The following WWOX variants were observed in gnomAD, a reference collection of about 807,000 sequenced individuals.
WWOX encodes WW domain-containing oxidoreductase.
A neutral mutation model predicts 46.2 loss-of-function variants in WWOX; 69 were observed. The ratio of observed to expected loss-of-function variants is 1.49; its 90% CI spans 1.23 to 1.82. The LOEUF is 1.82. Ranked by LOEUF, WWOX falls within the 40% of genes most tolerant of loss-of-function variation. WWOX has a pLI of 0.00. For synonymous variants in WWOX, 359 were observed against 202.6 expected (o/e 1.77, Z -6.56); for missense variants, 919 against 542.6 (o/e 1.69, Z -6.89).
chr16:78,458,196 T>C (rs961818643), intron 8 of WWOX, among the ~76,000 whole-genome samples: 2 of 152,046 alleles, frequency 1.3e-5, no homozygotes, highest in African/African-American at 4.8e-5. Context: ...CTACATACTG[T>C]TTTATTATAT....
chr16:78,465,084 G>T (rs951647676), intron 8 of WWOX, among the ~76,000 whole-genome samples: 21 of 152,136 alleles, frequency 1.4e-4, no homozygotes, highest in African/African-American at 5.1e-4. Context: ...TCACTATCAA[G>T]GGAACAGCAC....
chr16:78,527,563 G>C (rs955427894), intron 8 of WWOX, among the ~76,000 whole-genome samples: 3 of 152,036 alleles, frequency 2.0e-5, no homozygotes, highest in Non-Finnish European at 4.4e-5. Flanking sequence ...CAAAGTGCTG[G>C]GATTACAGGC....
chr16:79,052,741 G>A (rs1037768824), intron 8 of WWOX, among the ~76,000 whole-genome samples: 16 of 152,204 alleles, frequency 1.1e-4, no homozygotes, highest in Admixed American at 2.0e-4. Context: ...AACTGCTGGC[G>A]AGTGTACCCT....
At chr16:79,025,202 T>C (rs1415049514) in intron 8 of WWOX, among the ~76,000 whole-genome samples, 1 of 152,162 alleles carries the variant, frequency 6.6e-6, no homozygotes, top group African/African-American at 2.4e-5. Context: ...AAAGACAATG[T>C]CACTGAGGCT....
intron 6 of WWOX, among the ~76,000 whole-genome samples, chr16:78,407,142 G>T (rs2082567840): frequency 6.6e-6 from 1 of 152,074 alleles, no homozygotes; most frequent in African/African-American, 2.4e-5. Context: ...TTTAAGCAGG[G>T]GTCAAACTTA....
At chr16:78,865,988 A>C (rs115822259) in intron 8 of WWOX, among the ~76,000 whole-genome samples, 4,776 of 152,340 alleles carry the variant, frequency 0.031, 92 homozygotes, top group Middle Eastern at 0.068. Flanking sequence ...AGGTGATCAC[A>C]TACTACGCAG....
intron 8 of WWOX, among the ~76,000 whole-genome samples, chr16:79,020,755 C>T (rs2151384984): frequency 6.6e-6 from 1 of 152,282 alleles, no homozygotes; most frequent in African/African-American, 2.4e-5. Context: ...AACACGCATG[C>T]AGCTTCCCAC....
chr16:79,087,007 G>T (rs1048749673), intron 8 of WWOX, among the ~76,000 whole-genome samples: 2 of 152,220 alleles, frequency 1.3e-5, no homozygotes, highest in African/African-American at 4.8e-5. Context: ...GGCAGCCTAG[G>T]GAATGGAGAT....
At chr16:78,542,892 C>G (rs1377996377) in intron 8 of WWOX, among the ~76,000 whole-genome samples, 2 of 152,176 alleles carry the variant, frequency 1.3e-5, no homozygotes, top group African/African-American at 4.8e-5. Flanking sequence ...AATGTGATCC[C>G]TGAGGATGTT....
chr16:78,842,351 A>C (rs1307870305), intron 8 of WWOX, among the ~76,000 whole-genome samples: 1 of 150,876 alleles, frequency 6.6e-6, no homozygotes, highest in Non-Finnish European at 1.5e-5. Context: ...AAAAAAAATT[A>C]AATTAGCTGG....
chr16:78,827,946 A>G (rs2051709142), intron 8 of WWOX, among the ~76,000 whole-genome samples: 10 of 152,184 alleles, frequency 6.6e-5, no homozygotes, highest in Admixed American at 6.5e-4. Context: ...TAAGGGGGCT[A>G]AGCTGGTTGA....
In WWOX at chr16:78,813,354, C is replaced by A. The variant is rs138458109; in HGVS notation, c.1056+380602C>A. Among the ~76,000 whole-genome samples the A allele has an allele frequency of 3.3e-5, 5 of 151,966 alleles. No individual in the cohort carries two copies. In the South Asian group the frequency reaches 6.3e-4, roughly 19 times the overall value. On this transcript the variant is annotated intron_variant, in intron 8 of 8. Transcript: ENST00000566780. ...CACTCAGAAATTTAAGTCCAAGAAG[C>A]CTGCTTTTCTTGATACCTTTCAAGT...
intron 8 of WWOX, among the ~76,000 whole-genome samples, chr16:78,476,148 T>A (rs757021856): frequency 9.9e-5 from 15 of 152,228 alleles, no homozygotes; most frequent in Non-Finnish European, 1.8e-4. Context: ...GTGAAGCTAC[T>A]GGATAGAACT....
At chr16:78,304,264 G>A (rs933424302) in intron 5 of WWOX, among the ~76,000 whole-genome samples, 2 of 152,132 alleles carry the variant, frequency 1.3e-5, no homozygotes, top group Admixed American at 6.5e-5. Context: ...TAGGCCTTTA[G>A]CCTTTTACTT....
At chr16:78,999,121 C>T (rs569686728) in intron 8 of WWOX, among the ~76,000 whole-genome samples, 2 of 151,980 alleles carry the variant, frequency 1.3e-5, no homozygotes, top group South Asian at 2.1e-4. Flanking sequence ...CTCAAGAACC[C>T]AGCGCCAGTG....
intron 8 of WWOX, among the ~76,000 whole-genome samples, chr16:79,014,511 C>T (rs768604469): frequency 6.6e-6 from 1 of 152,168 alleles, no homozygotes; most frequent in Non-Finnish European, 1.5e-5. Context: ...GCCGTTGCTC[C>T]AGATCCTTCT....
chr16:79,122,987 T>C (rs535246652), intron 8 of WWOX, among the ~76,000 whole-genome samples: 3 of 152,344 alleles, frequency 2.0e-5, no homozygotes, highest in African/African-American at 7.2e-5. Flanking sequence ...GGGATTCCAG[T>C]TGCCCTTTTC....
intron 8 of WWOX, among the ~76,000 whole-genome samples, chr16:79,186,039 C>G (rs1010058877): frequency 6.6e-6 from 1 of 151,882 alleles, no homozygotes; most frequent in African/African-American, 2.4e-5. Context: ...TTTCTGAAGT[C>G]TTTTTCACAT....
At chr16:78,498,893 A>C (rs1028936584) in intron 8 of WWOX, among the ~76,000 whole-genome samples, 2 of 152,144 alleles carry the variant, frequency 1.3e-5, no homozygotes, top group African/African-American at 4.8e-5. Context: ...TACATAGGCA[A>C]CTTCCTCGAT....
Sources: gnomAD v4.1 joint callset for allele counts (sites outside exome capture counted in the v4.1 genomes callset) on GRCh38, gnomAD v4.1.1 for gene constraint, MANE v1.5 for transcripts, NCBI Gene and HGNC (gene_info 2026-07-23, HGNC 2026-07-21) for gene names.